IL1RAPL1: variants seen among roughly 807,000 people sequenced by gnomAD.
The protein encoded by IL1RAPL1 is interleukin-1 receptor accessory protein-like 1.
Under a neutral mutation model 48.4 loss-of-function variants are expected in IL1RAPL1, and 3 were observed. The ratio of observed to expected loss-of-function variants is 0.06; its 90% confidence interval spans 0.03 to 0.16. The LOEUF (loss-of-function observed/expected upper bound fraction) is 0.16. Ranked by LOEUF, IL1RAPL1 falls within the 10% of genes least tolerant of loss-of-function variation. IL1RAPL1 has a pLI of 1.00. For synonymous variants in IL1RAPL1, 185 were observed against 187.7 expected, an observed-to-expected ratio of 0.99 and a Z score of 0.12; for missense variants, 349 against 530.6, an observed-to-expected ratio of 0.66 and a Z score of 3.36.
chrX:28,851,134 C>G (rs1462670044), intron 2 of IL1RAPL1, among the ~76,000 whole-genome samples: 1 of 106,130 alleles, frequency 9.4e-6, no homozygotes, highest in Admixed American at 1.1e-4. Flanking sequence ...AGGACTCACA[C>G]TTGCCTTGGA....
intron 5 of IL1RAPL1, among the ~76,000 whole-genome samples, chrX:29,488,172 G>T (rs1935116430): frequency 8.9e-6 from 1 of 112,416 alleles, no homozygotes; most frequent in Non-Finnish European, 1.9e-5. Context: ...GAGCATGGTG[G>T]CTCACGCCTG....
At chrX:28,887,139 G>A (rs985836458) in intron 2 of IL1RAPL1, among the ~76,000 whole-genome samples, 1 of 111,182 alleles carries the variant, frequency 9.0e-6, no homozygotes, top group Non-Finnish European at 1.9e-5. Flanking sequence ...GTATTGAGAG[G>A]TGGAGCCTTT....
intron 1 of IL1RAPL1, among the ~76,000 whole-genome samples, chrX:28,607,112 A>C (rs772667353): frequency 9.2e-6 from 1 of 109,094 alleles, no homozygotes; most frequent in Non-Finnish European, 1.9e-5. Flanking sequence ...CTGATCATCT[A>C]GTTGCTTAGT....
intron 5 of IL1RAPL1, among the ~76,000 whole-genome samples, chrX:29,439,333 A>T (rs1248371787): frequency 9.0e-6 from 1 of 111,699 alleles, no homozygotes; most frequent in South Asian, 3.7e-4. Context: ...ATGGGAAAGG[A>T]TGTAAGCCTC....
chrX:29,033,042 TA>T (rs1290468183), intron 2 of IL1RAPL1, among the ~76,000 whole-genome samples: 3 of 112,000 alleles, frequency 2.7e-5, no homozygotes, highest in African/African-American at 9.7e-5. Flanking sequence ...GTGGGACATA[TA>T]AAAATATGTT....
At chrX:28,625,297 A>T (rs1451627156) in intron 1 of IL1RAPL1, among the ~76,000 whole-genome samples, 1 of 111,754 alleles carries the variant, frequency 8.9e-6, no homozygotes, top group Non-Finnish European at 1.9e-5. Context: ...TTTCTATTTA[A>T]ATAGTTATCC....
At position 29,845,076 on chromosome X, in the gene IL1RAPL1, G is replaced by A. The variant is rs149243742; in HGVS notation, c.779-72388G>A. Among the ~76,000 whole-genome samples the A allele has an allele frequency of 4.1e-3, 465 of 112,206 alleles. 1 individual carries two copies. The highest frequency in any genetic ancestry group is 7.0e-3 in the Non-Finnish European group (372 of 53,209). On this transcript the variant is annotated intron_variant, in intron 6 of 10. Coordinates refer to ENST00000378993, the MANE Select transcript of IL1RAPL1 (RefSeq NM_014271.4). ...AAGTAACGAATCCTATAGACAGCTT[G>A]ATTTCAGAGTTCTGGCCTCCAGAAC...
At chrX:28,757,100 G>A (rs1936114426) in intron 1 of IL1RAPL1, among the ~76,000 whole-genome samples, 1 of 112,559 alleles carries the variant, frequency 8.9e-6, no homozygotes, top group East Asian at 2.8e-4. Context: ...CATGAAGGAA[G>A]TTATTTCTTT....
At chrX:29,335,270 A>G (rs868685499) in intron 3 of IL1RAPL1, among the ~76,000 whole-genome samples, 481 of 18,801 alleles carry the variant, frequency 0.026, 1 homozygote, top group Non-Finnish European at 0.029. Flanking sequence ...ACGGAGACGG[A>G]GACGGAGAGG....
intron 1 of IL1RAPL1, among the ~76,000 whole-genome samples, chrX:28,729,913 G>A (rs752551918): frequency 9.0e-6 from 1 of 110,991 alleles, no homozygotes; most frequent in Non-Finnish European, 1.9e-5. Flanking sequence ...GGAGAATGGC[G>A]TGAACCCAGG....
intron 2 of IL1RAPL1, among the ~76,000 whole-genome samples, chrX:28,980,393 G>T: frequency 8.9e-6 from 1 of 112,520 alleles, no homozygotes. Context: ...TCAAACGTCT[G>T]TTAACGTGTG....
chrX:28,991,271 T>A (rs1925596908), intron 2 of IL1RAPL1, among the ~76,000 whole-genome samples: 1 of 111,521 alleles, frequency 9.0e-6, no homozygotes, highest in Non-Finnish European at 1.9e-5. Flanking sequence ...AAAACTAAAA[T>A]CACTTAAAAC....
chrX:28,865,012 G>A (rs1922042280), intron 2 of IL1RAPL1, among the ~76,000 whole-genome samples: 1 of 111,914 alleles, frequency 8.9e-6, no homozygotes, highest in Non-Finnish European at 1.9e-5. Context: ...AGAGCTAATA[G>A]GAATTGCTGT....
At chrX:28,746,934 T>C (rs1935985964) in intron 1 of IL1RAPL1, among the ~76,000 whole-genome samples, 1 of 111,503 alleles carries the variant, frequency 9.0e-6, no homozygotes, top group African/African-American at 3.3e-5. Flanking sequence ...CGCCATTCTT[T>C]TCTTCTAATG....
chrX:29,935,447 T>G (rs1034493260), intron 8 of IL1RAPL1, among the ~76,000 whole-genome samples: 4 of 111,861 alleles, frequency 3.6e-5, no homozygotes, highest in African/African-American at 9.7e-5. Context: ...CTTTCCCTTC[T>G]TGTTGGTTTA....
intron 2 of IL1RAPL1, among the ~76,000 whole-genome samples, chrX:29,255,642 ATTGTTCCCCTCT>A (rs1931744574): frequency 9.0e-6 from 1 of 110,502 alleles, no homozygotes; most frequent in Non-Finnish European, 1.9e-5. Flanking sequence ...CCCAGTGCTT[ATTGTTCCCCTCT>A]TTGTATTCAT....
At chrX:29,071,695 C>T (rs983548873) in intron 2 of IL1RAPL1, among the ~76,000 whole-genome samples, 1 of 111,196 alleles carries the variant, frequency 9.0e-6, no homozygotes, top group African/African-American at 3.3e-5. Context: ...GGAAATGCAA[C>T]CACGCCCCTT....
intron 2 of IL1RAPL1, among the ~76,000 whole-genome samples, chrX:29,126,664 G>A (rs142737238): frequency 0.02 from 2,238 of 111,999 alleles, 49 homozygotes; most frequent in African/African-American, 0.069. Flanking sequence ...TTTTCACAGG[G>A]TCATTTGTTG....
chrX:29,583,970 C>T (rs1923070386), intron 5 of IL1RAPL1, among the ~76,000 whole-genome samples: 1 of 111,419 alleles, frequency 9.0e-6, no homozygotes, highest in African/African-American at 3.3e-5. Context: ...TTTCTAGTTT[C>T]CTTTGCCTTG....
Sources: gnomAD v4.1 joint callset for allele counts (sites outside exome capture counted in the v4.1 genomes callset) on GRCh38, gnomAD v4.1.1 for gene constraint, MANE v1.5 for transcripts, NCBI Gene and HGNC (gene_info 2026-07-23, HGNC 2026-07-21) for gene names.